Variants in CPNE4 observed in about 807,000 individuals in gnomAD.
The protein encoded by CPNE4 is copine 4.
CPNE4 carries 25 observed loss-of-function variants against 67.9 expected under a neutral mutation model. That is an observed-to-expected ratio of 0.37 (90% CI 0.27 to 0.51). The LOEUF (loss-of-function observed/expected upper bound fraction) is 0.51. Ranked by LOEUF, CPNE4 falls within the 20% of genes least tolerant of loss-of-function variation. The pLI is 0.93. For missense variants in CPNE4, 464 were observed against 690.8 expected (o/e 0.67, Z 3.68); for synonymous variants, 242 against 244.9 (o/e 0.99, Z 0.11).
chr3:132,003,796 A>G (rs2073517982), intron 1 of CPNE4, among the ~76,000 whole-genome samples: 2 of 152,216 alleles, frequency 1.3e-5, no homozygotes, highest in East Asian at 3.9e-4. Context: ...GTAAAAAGTT[A>G]CTTGATAGGA....
At chr3:132,009,561 G>A (rs1171694306) in intron 1 of CPNE4, among the ~76,000 whole-genome samples, 1 of 152,178 alleles carries the variant, frequency 6.6e-6, no homozygotes, top group Non-Finnish European at 1.5e-5. Context: ...AGAAATTTGG[G>A]AAGATGCCAG....
At chr3:131,685,231 T>C (rs568271627) in intron 6 of CPNE4, among the ~76,000 whole-genome samples, 10 of 152,286 alleles carry the variant, frequency 6.6e-5, no homozygotes, top group African/African-American at 2.2e-4. Flanking sequence ...AATAAAATTA[T>C]GCATGTAAAT....
At chr3:131,897,613 A>G (rs550482627) in intron 2 of CPNE4, among the ~76,000 whole-genome samples, 1 of 152,200 alleles carries the variant, frequency 6.6e-6, no homozygotes, top group Non-Finnish European at 1.5e-5. Flanking sequence ...AGAAAAAAAT[A>G]GGCTGGACAC....
intron 1 of CPNE4, among the ~76,000 whole-genome samples, chr3:131,949,136 T>C (rs2071645023): frequency 6.6e-6 from 1 of 152,210 alleles, no homozygotes; most frequent in South Asian, 2.1e-4. Context: ...CAATCATTGC[T>C]AAATAAATGG....
intron 2 of CPNE4, among the ~76,000 whole-genome samples, chr3:131,813,771 AAGG>A (rs2084626201): frequency 6.6e-6 from 1 of 152,178 alleles, no homozygotes; most frequent in African/African-American, 2.4e-5. Context: ...GGGTTCTGGG[AAGG>A]AGAAGTCCCA....
intron 1 of CPNE4, among the ~76,000 whole-genome samples, chr3:131,969,556 G>C (rs1294797446): frequency 6.6e-6 from 1 of 152,080 alleles, no homozygotes; most frequent in Non-Finnish European, 1.5e-5. Context: ...GGACACTTGA[G>C]GCTGTTTTCT....
At chr3:131,996,555 C>G (rs887759905) in intron 1 of CPNE4, among the ~76,000 whole-genome samples, 11 of 151,582 alleles carry the variant, frequency 7.3e-5, no homozygotes, top group African/African-American at 1.7e-4. Context: ...CTCACACCAC[C>G]AAGCCTAGCG....
At chr3:131,960,132 G>A (rs1303673215) in intron 1 of CPNE4, among the ~76,000 whole-genome samples, 1 of 151,892 alleles carries the variant, frequency 6.6e-6, no homozygotes, top group Non-Finnish European at 1.5e-5. Context: ...GAGAGGGAGG[G>A]AGGAGAGGGA....
intron 1 of CPNE4, among the ~76,000 whole-genome samples, chr3:132,033,639 C>T (rs2074288001): frequency 6.6e-6 from 1 of 152,200 alleles, no homozygotes; most frequent in South Asian, 2.1e-4. Flanking sequence ...AAAGGCAATC[C>T]GCCAAGGCGC....
At chr3:131,626,289 T>C (rs554067403) in intron 7 of CPNE4, among the ~76,000 whole-genome samples, 3 of 152,326 alleles carry the variant, frequency 2.0e-5, no homozygotes, top group African/African-American at 7.2e-5. Flanking sequence ...AAGAGGCCAA[T>C]AGCTAGGCCT....
chr3:131,907,942 C>A (rs2088834107), intron 1 of CPNE4, among the ~76,000 whole-genome samples: 1 of 152,098 alleles, frequency 6.6e-6, no homozygotes, highest in South Asian at 2.1e-4. Flanking sequence ...TTAATAGGGA[C>A]TTTGGGACAT....
chr3:131,601,212 G>T (rs1217448442), intron 7 of CPNE4, among the ~76,000 whole-genome samples: 2 of 152,088 alleles, frequency 1.3e-5, no homozygotes, highest in Non-Finnish European at 2.9e-5. Flanking sequence ...CATCTCTATG[G>T]TGGGAATTAC....
At chr3:131,688,717 C>G (rs146252678) in intron 5 of CPNE4, among the ~76,000 whole-genome samples, 1 of 152,020 alleles carries the variant, frequency 6.6e-6, no homozygotes, top group East Asian at 1.9e-4. Context: ...GTTACCATCA[C>G]TTTTATTTAA....
intron 11 of CPNE4, among the ~76,000 whole-genome samples, chr3:131,555,954 G>A (rs1378863927): frequency 6.6e-6 from 1 of 152,098 alleles, no homozygotes. Context: ...AAAATACAAG[G>A]AGAGATAGTT....
intron 2 of CPNE4, among the ~76,000 whole-genome samples, chr3:131,764,201 A>C (rs2107819478): frequency 6.6e-6 from 1 of 152,202 alleles, no homozygotes; most frequent in East Asian, 1.9e-4. Flanking sequence ...AAAAATGCTC[A>C]AAATATGCAG....
chr3:131,895,134 T>G (rs546683305), intron 2 of CPNE4, among the ~76,000 whole-genome samples: 18 of 152,154 alleles, frequency 1.2e-4, no homozygotes, highest in Non-Finnish European at 2.5e-4. Context: ...CTAATCTTAC[T>G]TATATGTAGA....
chr3:131,670,282 A>G (rs1024168737), intron 6 of CPNE4, among the ~76,000 whole-genome samples: 1 of 152,176 alleles, frequency 6.6e-6, no homozygotes, highest in Non-Finnish European at 1.5e-5. Flanking sequence ...AAGTTTCTAG[A>G]AGAAAAATCC....
intron 2 of CPNE4, among the ~76,000 whole-genome samples, chr3:131,750,317 T>TAC (rs2082593971): frequency 6.6e-6 from 1 of 152,192 alleles, no homozygotes; most frequent in Non-Finnish European, 1.5e-5. Context: ...TTTAAATCTG[T>TAC]TGTAATTATC....
intron 7 of CPNE4, among the ~76,000 whole-genome samples, chr3:131,662,352 T>C (rs1346499448): frequency 6.6e-6 from 1 of 152,098 alleles, no homozygotes; most frequent in Non-Finnish European, 1.5e-5. Context: ...AAGAAAGATA[T>C]GAATAGTTGG....
Sources: allele counts gnomAD v4.1 joint callset (sites outside exome capture counted in the v4.1 genomes callset), GRCh38; gene constraint gnomAD v4.1.1; transcripts MANE v1.5; gene names NCBI Gene and HGNC (gene_info 2026-07-23, HGNC 2026-07-21).